SFXN5: variants seen among roughly 807,000 people sequenced by gnomAD.
SFXN5 encodes the protein sideroflexin-5.
A neutral mutation model predicts 50.2 loss-of-function variants in SFXN5; 43 were observed. That is an observed-to-expected ratio of 0.86 (90% CI 0.67 to 1.11). The LOEUF (loss-of-function observed/expected upper bound fraction) is 1.11, where lower values mean the gene tolerates loss of function less well. Ranked by LOEUF, SFXN5 falls within the 50% of genes least tolerant of loss-of-function variation. The probability of loss-of-function intolerance (pLI) is 0.00; values close to 1 mark genes in which losing one functional copy is unlikely to be tolerated. For missense variants in SFXN5, 463 were observed against 454.1 expected (o/e 1.02, Z -0.18); for synonymous variants, 203 against 185.8 (o/e 1.09, Z -0.75).
intron 12 of SFXN5, chr2:72,967,324 C>G (rs1424741122): frequency 6.6e-6 from 1 of 152,080 alleles, no homozygotes; most frequent in Admixed American, 6.5e-5. Context: ...AGATGACATT[C>G]TAGTAGAGCA....
At chr2:72,974,894 C>T (rs11692971) in intron 10 of SFXN5, among the ~76,000 whole-genome samples, 10,839 of 151,172 alleles carry the variant, frequency 0.072, 575 homozygotes, top group Admixed American at 0.099. Context: ...CAAGAACATG[C>T]ACAACCCTGG....
chr2:72,983,989 G>T (rs1671608647), intron 10 of SFXN5, among the ~76,000 whole-genome samples: 2 of 152,218 alleles, frequency 1.3e-5, no homozygotes, highest in Admixed American at 1.3e-4. Flanking sequence ...TCACCTGGCA[G>T]CAACCATACG....
At chr2:72,962,651 A>T (rs1363850223) in intron 12 of SFXN5, among the ~76,000 whole-genome samples, 2 of 152,196 alleles carry the variant, frequency 1.3e-5, no homozygotes, top group African/African-American at 4.8e-5. Flanking sequence ...TAAAGATCCC[A>T]TTACTTGCAA....
intron 2 of SFXN5, among the ~76,000 whole-genome samples, chr2:73,046,935 T>C (rs1036292624): frequency 8.6e-5 from 13 of 151,130 alleles, no homozygotes; most frequent in Non-Finnish European, 1.9e-4. Flanking sequence ...AGTATAAATA[T>C]AAAATCTTGG....
intron 1 of SFXN5, chr2:73,059,667 C>A (rs1306531349): frequency 1.0e-6 from 1 of 963,758 alleles, no homozygotes; most frequent in African/African-American, 1.9e-5. Flanking sequence ...GCCACCCCTA[C>A]CCAGGTGCTG....
rs527396228 is a variant in SFXN5 at position 72,948,609 on chromosome 2, G to A, written c.946-3510C>T. Among the ~76,000 whole-genome samples, 72 of 152,354 alleles carry A rather than the reference G, an allele frequency of 4.7e-4. 1 individual carries two copies. The highest frequency in any genetic ancestry group is 1.9e-3 in the South Asian group (9 of 4,834). The stretch of plus-strand genomic sequence containing the variant: ...ATGCAGGACCACGGCCCAGGGCCAC[G>A]GCCCACTGTGCCCACTCCCTAGAGC... On this transcript the variant is annotated intron_variant, in intron 13 of 13. Transcript: ENST00000272433.
At chr2:73,037,917 G>C (rs1277787407) in intron 3 of SFXN5, among the ~76,000 whole-genome samples, 1 of 152,144 alleles carries the variant, frequency 6.6e-6, no homozygotes, top group Admixed American at 6.5e-5. Flanking sequence ...CCAAGAAAAA[G>C]GAAGACCTGG....
chr2:72,956,129 C>G (rs1673061418), intron 13 of SFXN5, among the ~76,000 whole-genome samples: 2 of 152,198 alleles, frequency 1.3e-5, no homozygotes, highest in South Asian at 4.1e-4. Context: ...ATGGGCCCAT[C>G]CATGTTTGGG....
intron 6 of SFXN5, among the ~76,000 whole-genome samples, chr2:73,013,209 C>T (rs749675600): frequency 2.6e-5 from 4 of 152,004 alleles, no homozygotes; most frequent in Admixed American, 6.6e-5. Flanking sequence ...ATGTAAGTAG[C>T]CTTTTTATGC....
intron 6 of SFXN5, among the ~76,000 whole-genome samples, chr2:73,008,017 G>C (rs1278162943): frequency 6.6e-6 from 1 of 152,172 alleles, no homozygotes; most frequent in Admixed American, 6.5e-5. Context: ...GAGAACATTG[G>C]GATTGGGATT....
intron 12 of SFXN5, 31 bp downstream of exon 12, chr2:72,968,417 T>G: frequency 3.9e-6 from 6 of 1,538,576 alleles, no homozygotes; most frequent in African/African-American, 1.4e-5. Flanking sequence ...TCCCCCATGG[T>G]GGCCTCTCCA....
At chr2:73,023,382 G>A (rs72848112) in intron 3 of SFXN5, among the ~76,000 whole-genome samples, 168 bp from the exon 4 acceptor site, 6 of 152,154 alleles carry the variant, frequency 3.9e-5, no homozygotes, top group Non-Finnish European at 5.9e-5. Flanking sequence ...TATCCTGGGG[G>A]GGGTGACATC....
chr2:73,009,330 C>T (rs1333372162), intron 6 of SFXN5, among the ~76,000 whole-genome samples: 3 of 152,218 alleles, frequency 2.0e-5, no homozygotes, highest in Admixed American at 1.3e-4. Context: ...ACTGGAGCAG[C>T]CAGCATGCTC....
chr2:73,036,189 A>T (rs1218705196), intron 3 of SFXN5, among the ~76,000 whole-genome samples: 1 of 151,956 alleles, frequency 6.6e-6, no homozygotes, highest in Non-Finnish European at 1.5e-5. Context: ...AGTGACTGTT[A>T]ACTATGGATT....
rs181059208 is a variant in SFXN5 at position 72,987,456 on chromosome 2, T to C, written c.625+802A>G. Among the ~76,000 whole-genome samples the C allele has an allele frequency of 7.6e-4, 115 of 152,158 alleles. 2 individuals are homozygous for C. The East Asian group carries it at 0.014, about 19-fold the overall frequency. ...ATTAAAAACAAGATCTATCAGTTGA[T>C]GTATTAAATATGAATTAGTGACCGG... On this transcript the variant is annotated intron_variant, in intron 10 of 13. Transcript: ENST00000272433.
In SFXN5 at chr2:72,945,471, C is replaced by A. The variant is rs1366456919; in HGVS notation, c.946-372G>T. Among the ~76,000 whole-genome samples the A allele has an allele frequency of 6.6e-6, 1 of 152,048 alleles. No homozygotes were observed. The highest frequency in any genetic ancestry group is 1.5e-5 in the Non-Finnish European group (1 of 67,984). ...CCATTCCCTGGACCTGATGACCACC[C>A]AGGGCTGCTCCACCTCAACTCCTTC... On this transcript the variant is annotated intron_variant, in intron 13 of 13. Transcript: ENST00000272433. This position sits in a 1 kb window ranked among gnomAD's most constrained non-coding sequence, Gnocchi z 5.8.
chr2:72,966,698 C>T (rs1319955590), intron 12 of SFXN5, among the ~76,000 whole-genome samples: 1 of 152,186 alleles, frequency 6.6e-6, no homozygotes, highest in Non-Finnish European at 1.5e-5. Context: ...ATACCACAGG[C>T]CTGCACCCTG....
rs79275662 is a variant in SFXN5, at chr2:72,945,088, G to T, written c.957C>A (p.Ser319=). The part of the protein sequence containing the change: ...LFPQMSEIET[S]QLEPEIAQAT... ...CCTGGGCTATCTCCGGCTCTAATTG[G>T]GATGTTTCAATCTGTGGAGAGAGAA... Residue 319 remains serine, a synonymous_variant, in exon 14 of 14, where the codon TCC becomes TCA. Transcript: ENST00000272433. The surrounding 1 kb of genome is among the most constrained non-coding windows in gnomAD (Gnocchi z 5.8). 2 of 1,613,668 alleles carry T rather than the reference G, an allele frequency of 1.2e-6. No individual in the cohort carries two copies.
rs768669370 is a variant in SFXN5, at chr2:72,961,101, T to C, written c.945+30A>G. The stretch of plus-strand genomic sequence containing the variant: ...AATCACCAAACAGCACCCCCTGCCC[T>C]GCCCTGCCCTTGAGCCCCTCCCCAC... On this transcript the variant is annotated intron_variant, in intron 13 of 13. Coordinates refer to ENST00000272433, the MANE Select transcript of SFXN5 (RefSeq NM_144579.3). This position sits in a 1 kb window ranked among gnomAD's most constrained non-coding sequence, Gnocchi z 4.4. 1 of 1,442,146 alleles carries C rather than the reference T, an allele frequency of 6.9e-7. No individual in the cohort carries two copies. Among genetic ancestry groups the C allele is most frequent in the Non-Finnish European group, 9.3e-7 (1 of 1,071,952 alleles). The allele number at this position is 1,442,146 out of a possible 1,614,324, so 89.3% of individuals were successfully genotyped here. A position where few individuals can be genotyped will look rare whatever the true frequency, so the allele number is the denominator to read the frequency against.
Sources: allele counts gnomAD v4.1 joint callset (sites outside exome capture counted in the v4.1 genomes callset), GRCh38; gene constraint gnomAD v4.1.1; non-coding constraint Gnocchi (gnomAD v3.1); transcripts MANE v1.5; gene names NCBI Gene and HGNC (gene_info 2026-07-23, HGNC 2026-07-21).